Variants in GALNT2 observed in about 807,000 individuals in gnomAD.
GALNT2 encodes the protein polypeptide N-acetylgalactosaminyltransferase 2.
GALNT2 carries 31 observed loss-of-function variants against 81.4 expected under a neutral mutation model. The observed-to-expected ratio is 0.38, with a 90% CI of 0.29 to 0.51. The LOEUF (loss-of-function observed/expected upper bound fraction) is 0.51, where lower values mean the gene tolerates loss of function less well. Ranked by LOEUF, GALNT2 falls within the 20% of genes least tolerant of loss-of-function variation. The pLI, the probability that GALNT2 is intolerant of heterozygous loss-of-function variation, is 0.87. For synonymous variants in GALNT2, 303 were observed against 287.4 expected, an observed-to-expected ratio of 1.05 and a Z score of -0.55; for missense variants, 629 against 765.7, an observed-to-expected ratio of 0.82 and a Z score of 2.11.
intron 11 of GALNT2, chr1:230,259,769 A>G (rs1320074928): frequency 6.6e-6 from 1 of 152,220 alleles, no homozygotes; most frequent in African/African-American, 2.4e-5. Context: ...GAAGCCTGAA[A>G]AGACATTACA....
chr1:230,145,511 A>T (rs1197885199), intron 1 of GALNT2, among the ~76,000 whole-genome samples: 2 of 152,254 alleles, frequency 1.3e-5, no homozygotes, highest in African/African-American at 4.8e-5. Flanking sequence ...GGATGGTTGT[A>T]ATAAATACAG....
At chr1:230,251,296 T>C (rs1284918658) in intron 10 of GALNT2, among the ~76,000 whole-genome samples, 1 of 152,180 alleles carries the variant, frequency 6.6e-6, no homozygotes, top group East Asian at 1.9e-4. Context: ...TTAACTTACA[T>C]TCGTCCTTGG....
At chr1:230,237,893 G>A (rs1665081091) in intron 6 of GALNT2, among the ~76,000 whole-genome samples, 1 of 151,808 alleles carries the variant, frequency 6.6e-6, no homozygotes, top group Admixed American at 6.6e-5. Flanking sequence ...GATAGTGTTG[G>A]CACTGTAAAT....
At chr1:230,159,693 G>A (rs1227882251) in intron 1 of GALNT2, among the ~76,000 whole-genome samples, 1 of 152,240 alleles carries the variant, frequency 6.6e-6, no homozygotes, top group African/African-American at 2.4e-5. Flanking sequence ...CGTGGTGAAG[G>A]TGATAGACTG....
In GALNT2 at chr1:230,195,300, G is replaced by A. The variant is rs1024214714; in HGVS notation, c.221-7837G>A. Reference sequence around the variant, plus strand: ...GGCAGTTAGATGTGGTTAAACTTGAGCTCTAGCCTTGGTGGAATTTCAAGT... The same window carrying A: ...GGCAGTTAGATGTGGTTAAACTTGAACTCTAGCCTTGGTGGAATTTCAAGT... On this transcript the variant is annotated intron_variant, in intron 2 of 15. Transcript: ENST00000366672. Among the ~76,000 whole-genome samples, 3 of 151,894 alleles carry A rather than the reference G, an allele frequency of 2.0e-5. No individual in the cohort carries two copies. The East Asian group carries it at 5.8e-4, about 30-fold the overall frequency.
chr1:230,172,086 C>A (rs1444467333), intron 1 of GALNT2, among the ~76,000 whole-genome samples: 2 of 152,182 alleles, frequency 1.3e-5, no homozygotes, highest in African/African-American at 2.4e-5. Flanking sequence ...TCCACCAAAC[C>A]CGATTTCACG....
chr1:230,066,684 G>C (rs990364962), upstream of GALNT2, among the ~76,000 whole-genome samples: 1 of 152,208 alleles, frequency 6.6e-6, no homozygotes, highest in Non-Finnish European at 1.5e-5. Flanking sequence ...GAGCAAGCCC[G>C]TTAAGGGTCT....
At chr1:230,230,959 C>T (rs964999949) in intron 3 of GALNT2, among the ~76,000 whole-genome samples, 6 of 152,148 alleles carry the variant, frequency 3.9e-5, no homozygotes, top group African/African-American at 1.4e-4. Context: ...AACTCTCCTT[C>T]TTAAAGAGAG....
intron 1 of GALNT2, among the ~76,000 whole-genome samples, chr1:230,084,561 G>GAC (rs1659843869): frequency 2.0e-5 from 3 of 152,128 alleles, no homozygotes; most frequent in African/African-American, 7.2e-5. Flanking sequence ...TCAGCACCGA[G>GAC]ACGTTGCTAG....
rs192632943 is a variant in GALNT2, at chr1:230,073,611, C to T, written c.126+6205C>T. Among the ~76,000 whole-genome samples, 101 of 152,272 alleles carry T rather than the reference C, an allele frequency of 6.6e-4. 2 individuals carry two copies. The highest frequency in any genetic ancestry group is 5.7e-3 in the Admixed American group (87 of 15,298). Reference sequence around the variant, plus strand: ...GTAGATGACAGTGATTCATCAGGGCCGGATTTGGAGATAAACAAAAACTGT... The same window carrying T: ...GTAGATGACAGTGATTCATCAGGGCTGGATTTGGAGATAAACAAAAACTGT... On this transcript the variant is annotated intron_variant, in intron 1 of 15. Coordinates refer to ENST00000366672, the MANE Select transcript of GALNT2 (RefSeq NM_004481.5).
chr1:230,241,607 T>C (rs1005028057), intron 6 of GALNT2, among the ~76,000 whole-genome samples: 1 of 151,646 alleles, frequency 6.6e-6, no homozygotes, highest in Middle Eastern at 3.2e-3. Flanking sequence ...CCACCACGCC[T>C]GGCTAATTTT....
chr1:230,242,442 G>A (rs1190708436), intron 6 of GALNT2, among the ~76,000 whole-genome samples: 1 of 152,070 alleles, frequency 6.6e-6, no homozygotes, highest in Admixed American at 6.5e-5. Flanking sequence ...ATGAATAGTT[G>A]CATCATCTTC....
chr1:230,134,297 C>T (rs553871672), intron 1 of GALNT2, among the ~76,000 whole-genome samples: 22 of 152,044 alleles, frequency 1.4e-4, no homozygotes, highest in African/African-American at 4.6e-4. Flanking sequence ...TTAGTAGAGA[C>T]GGGGTTTCAC....
intron 11 of GALNT2, chr1:230,262,332 T>C: frequency 2.1e-6 from 1 of 481,376 alleles, no homozygotes; most frequent in Non-Finnish European, 3.7e-6. Flanking sequence ...CCTTTGACCA[T>C]CTGTGTGACA....
chr1:230,231,081 C>G (rs1664852600), intron 3 of GALNT2, among the ~76,000 whole-genome samples: 1 of 152,168 alleles, frequency 6.6e-6, no homozygotes, highest in Non-Finnish European at 1.5e-5. Context: ...TACTTGGAGC[C>G]GCTGCTGCAT....
intron 2 of GALNT2, among the ~76,000 whole-genome samples, chr1:230,197,358 T>C (rs1169385594): frequency 6.6e-6 from 1 of 152,162 alleles, no homozygotes; most frequent in Non-Finnish European, 1.5e-5. Flanking sequence ...TCTGTACCCC[T>C]GCTCGCCTGG....
chr1:230,249,862 G>A (rs1665488530), intron 9 of GALNT2, among the ~76,000 whole-genome samples: 4 of 152,242 alleles, frequency 2.6e-5, no homozygotes, highest in Admixed American at 1.3e-4. Flanking sequence ...TCTGCAGTGT[G>A]CCATAGACCT....
chr1:230,104,631 A>C (rs1442705209), intron 1 of GALNT2, among the ~76,000 whole-genome samples: 2 of 152,192 alleles, frequency 1.3e-5, no homozygotes, highest in Non-Finnish European at 2.9e-5. Flanking sequence ...AAATCCTGGA[A>C]TGCGTAATTC....
At position 230,091,067 on chromosome 1, in the gene GALNT2, G is replaced by A. The variant is rs12063533; in HGVS notation, c.126+23661G>A. Among the ~76,000 whole-genome samples, 4 of 107,824 alleles carry A rather than the reference G, an allele frequency of 3.7e-5. No individual in the cohort carries two copies. The South Asian group carries it at 1.6e-3, about 43-fold the overall frequency. 70.7% of individuals were successfully genotyped at this position (107,824 alleles called of 152,430 possible). On this transcript the variant is annotated intron_variant, in intron 1 of 15. Coordinates refer to ENST00000366672, the MANE Select transcript of GALNT2 (RefSeq NM_004481.5). ...ACTCCGCAGACCTTTTCTTTTGTTT[G>A]TTTCTTTCTTTCTTTTTTTTTTTGA... is the stretch of plus-strand genomic sequence containing the variant.
Sources: gnomAD v4.1 joint callset for allele counts (sites outside exome capture counted in the v4.1 genomes callset) on GRCh38, gnomAD v4.1.1 for gene constraint, MANE v1.5 for transcripts, NCBI Gene and HGNC (gene_info 2026-07-23, HGNC 2026-07-21) for gene names.